SPRY3: variants seen among roughly 807,000 people sequenced by gnomAD.
The protein encoded by SPRY3 is sprouty RTK signaling antagonist 3.
SPRY3 carries 15 observed loss-of-function variants against 20.2 expected under a neutral mutation model. That is an observed-to-expected ratio of 0.74 (90% CI 0.50 to 1.14). The LOEUF is 1.14. SPRY3 is among the 50% of genes most tolerant of loss of function. The probability of loss-of-function intolerance (pLI) is 0.00; values close to 1 mark genes in which losing one functional copy is unlikely to be tolerated. For missense variants in SPRY3, 364 were observed against 363.9 expected (o/e 1.00, Z 0.00); for synonymous variants, 143 against 136.5 (o/e 1.05, Z -0.33).
chrX:155,735,387 C>A (rs2091161533), intron 2 of SPRY3, among the ~76,000 whole-genome samples: 1 of 151,942 alleles, frequency 6.6e-6, no homozygotes, highest in Non-Finnish European at 1.5e-5. Flanking sequence ...GATTTTCTGC[C>A]TGCTGAATCT....
At chrX:155,768,265 CG>C in intron 3 of SPRY3, 129 bp downstream of exon 2, 1 of 151,782 alleles carries the variant, frequency 6.6e-6, no homozygotes, top group Non-Finnish European at 1.5e-5. Context: ...GGCGCGCGCG[CG>C]CAAGCGCATG....
chrX:155,637,322 C>A (rs1241448870), intron 1 of SPRY3, among the ~76,000 whole-genome samples: 1 of 111,091 alleles, frequency 9.0e-6, no homozygotes, highest in African/African-American at 3.3e-5. Flanking sequence ...TATTAATAGT[C>A]TCTGAGACTC....
chrX:155,768,147 G>C lies in SPRY3; in HGVS notation c.-107+11G>C, dbSNP rs993374195. 7.9e-5 allele frequency: 12 copies of C among 151,918 alleles called. No homozygotes were observed. The highest frequency in any genetic ancestry group is 3.3e-4 in the Admixed American group (5 of 15,266). The allele number at this position is 151,918 out of a possible 1,614,324, so 9.4% of individuals were successfully genotyped here. On this transcript the variant is annotated intron_variant, in intron 3 of 3. Coordinates refer to ENST00000675360, the Ensembl canonical transcript of SPRY3. ...AACCATTTCCTCAAGGTAAGCCATA[G>C]AAATTAGCTCTTTAAAAACCCAGAA...
At chrX:155,722,702 C>A (rs1440792411) in intron 2 of SPRY3, among the ~76,000 whole-genome samples, 2 of 151,988 alleles carry the variant, frequency 1.3e-5, no homozygotes, top group Middle Eastern at 3.4e-3. Context: ...AATAAATGGA[C>A]TAAACTCTCC....
intron 2 of SPRY3, among the ~76,000 whole-genome samples, chrX:155,733,579 G>C (rs2091149028): frequency 6.6e-6 from 1 of 151,974 alleles, no homozygotes; most frequent in Admixed American, 6.6e-5. Context: ...AGGACTTTCA[G>C]AATGATAAAT....
intron 2 of SPRY3, among the ~76,000 whole-genome samples, chrX:155,682,258 A>G (rs2068075843): frequency 8.9e-6 from 1 of 112,717 alleles, no homozygotes; most frequent in African/African-American, 3.2e-5. Context: ...ACACCTGTTT[A>G]CAGCATAGTT....
chrX:155,735,032 A>G (rs1419161312), intron 2 of SPRY3, among the ~76,000 whole-genome samples: 2 of 151,770 alleles, frequency 1.3e-5, no homozygotes, highest in Non-Finnish European at 2.9e-5. Flanking sequence ...CATTCTGAAA[A>G]TTTTGATAAA....
intron 1 of SPRY3, among the ~76,000 whole-genome samples, chrX:155,631,071 G>A (rs782135860): frequency 5.4e-5 from 6 of 110,600 alleles, no homozygotes; most frequent in South Asian, 3.9e-4. Context: ...TACCCAGTAC[G>A]TACCTTTTCA....
At chrX:155,689,951 A>G (rs1214713800) in intron 2 of SPRY3, among the ~76,000 whole-genome samples, 3 of 87,588 alleles carry the variant, frequency 3.4e-5, no homozygotes, top group African/African-American at 1.1e-4. Flanking sequence ...TGATGTGGGC[A>G]TTTAGTGCTA....
chrX:155,628,028 G>A (rs1156866750), intron 1 of SPRY3, among the ~76,000 whole-genome samples: 1 of 111,710 alleles, frequency 9.0e-6, no homozygotes, highest in Non-Finnish European at 1.9e-5. Flanking sequence ...TGGTGTATAT[G>A]TACCACATTT....
chrX:155,709,388 G>A (rs2090971704), intron 2 of SPRY3, among the ~76,000 whole-genome samples: 1 of 151,404 alleles, frequency 6.6e-6, no homozygotes, highest in East Asian at 1.9e-4. Flanking sequence ...GGAGAATGTT[G>A]TTTAGATTTG....
At chrX:155,638,785 A>G (rs1226058669) in intron 1 of SPRY3, among the ~76,000 whole-genome samples, 2 of 110,967 alleles carry the variant, frequency 1.8e-5, no homozygotes, top group African/African-American at 6.6e-5. Context: ...ATCCTTTTTC[A>G]CCCTACCCTA....
At chrX:155,695,684 A>G (rs1400072170) in intron 2 of SPRY3, among the ~76,000 whole-genome samples, 1 of 110,671 alleles carries the variant, frequency 9.0e-6, no homozygotes, top group Non-Finnish European at 1.9e-5. Flanking sequence ...AGGTATTATA[A>G]TTTCTATGAA....
intron 2 of SPRY3, among the ~76,000 whole-genome samples, chrX:155,677,132 TCATTTGCAAATGAAC>T (rs1166698634): frequency 3.6e-5 from 4 of 111,159 alleles, no homozygotes; most frequent in African/African-American, 9.8e-5. Context: ...TCAAAAAGAG[TCATTTGCAAATGAAC>T]CATAAATAAA....
At chrX:155,737,180 C>T (rs1441066167) in intron 2 of SPRY3, among the ~76,000 whole-genome samples, 1 of 152,066 alleles carries the variant, frequency 6.6e-6, no homozygotes. Context: ...TCCTAAATTT[C>T]TGCTGCATCC....
intron 2 of SPRY3, among the ~76,000 whole-genome samples, chrX:155,747,755 A>G (rs930021701): frequency 3.3e-5 from 5 of 152,000 alleles, no homozygotes; most frequent in African/African-American, 1.2e-4. Flanking sequence ...AGGTAATACA[A>G]GAAGGGAAAC....
chrX:155,744,085 A>G (rs1187762607), intron 2 of SPRY3, among the ~76,000 whole-genome samples: 1 of 152,082 alleles, frequency 6.6e-6, no homozygotes, highest in Non-Finnish European at 1.5e-5. Flanking sequence ...AAGATGGAAG[A>G]CAGTCTAAGA....
chrX:155,699,517 C>A (rs1471614105), intron 2 of SPRY3, among the ~76,000 whole-genome samples: 1 of 111,282 alleles, frequency 9.0e-6, no homozygotes, highest in African/African-American at 3.3e-5. Flanking sequence ...TGTTGTGATG[C>A]AGATTTGGAG....
At chrX:155,757,329 C>A (rs1393585537) in intron 2 of SPRY3, among the ~76,000 whole-genome samples, 1 of 152,242 alleles carries the variant, frequency 6.6e-6, no homozygotes, top group East Asian at 1.9e-4. Flanking sequence ...GTGGGAGAAG[C>A]CTTCCCCATA....
Sources: allele counts gnomAD v4.1 joint callset (sites outside exome capture counted in the v4.1 genomes callset), GRCh38; gene constraint gnomAD v4.1.1; transcripts MANE v1.5; gene names NCBI Gene and HGNC (gene_info 2026-07-23, HGNC 2026-07-21).